The following SH3TC2 variants were observed in gnomAD, a reference collection of about 807,000 sequenced individuals.
SH3TC2 encodes SH3 domain and tetratricopeptide repeats 2.
Under a neutral mutation model 124.5 loss-of-function variants are expected in SH3TC2, and 87 were observed. The observed-to-expected ratio is 0.70, with a 90% CI of 0.59 to 0.84. The LOEUF is 0.84. SH3TC2 is among the 40% of genes least tolerant of loss of function. The pLI is 0.00. For missense variants in SH3TC2, 1,536 were observed against 1,566.4 expected (o/e 0.98, Z 0.33); for synonymous variants, 634 against 628.5 (o/e 1.01, Z -0.13).
At chr5:149,038,632 A>G (rs139142584) in intron 7 of SH3TC2, 142 bp from the exon 8 acceptor site, 2 of 876,692 alleles carry the variant, frequency 2.3e-6, no homozygotes, top group African/African-American at 3.3e-5. Flanking sequence ...TCCCCACCCA[A>G]AAATTGGCAG....
At position 148,993,077 on chromosome 5, in the gene SH3TC2, T is replaced by C. The variant is rs1292229402; in HGVS notation, c.*11634A>G. 2.0e-5 allele frequency among the ~76,000 whole-genome samples: 3 copies of C among 152,198 alleles called. No homozygotes were observed. Among genetic ancestry groups the C allele is most frequent in the Admixed American group, 2.0e-4 (3 of 15,276 alleles). ...GGCTGCCTTTACCTGGCCTCACTCCTGGCTTCCATAGACGCTTAAGGTGAT... is the reference window on the plus strand; with the variant it reads ...GGCTGCCTTTACCTGGCCTCACTCCCGGCTTCCATAGACGCTTAAGGTGAT... On this transcript the variant is annotated 3_prime_UTR_variant, in exon 17 of 17. Coordinates refer to ENST00000515425, the MANE Select transcript of SH3TC2 (RefSeq NM_024577.4).
rs886060174 is a variant in SH3TC2 at position 149,000,479 on chromosome 5, C to T, written c.*4232G>A. On this transcript the variant is annotated 3_prime_UTR_variant, in exon 17 of 17. Transcript: ENST00000515425. The stretch of plus-strand genomic sequence containing the variant: ...ATTATTTTATTTTCATTGTATTTGC[C>T]ATTATTTACATAATTCTGTTTATGG... 2.6e-5 allele frequency among the ~76,000 whole-genome samples: 4 copies of T among 152,112 alleles called. No individual in the cohort carries two copies. Among genetic ancestry groups the T allele is most frequent in the Non-Finnish European group, 5.9e-5 (4 of 68,028 alleles).
intron 12 of SH3TC2, among the ~76,000 whole-genome samples, chr5:149,018,057 C>T (rs898269826): frequency 6.6e-6 from 1 of 152,164 alleles, no homozygotes; most frequent in Non-Finnish European, 1.5e-5. Flanking sequence ...GCTTGCTAAC[C>T]CTGCTCTAGA....
rs999752600 is a variant in SH3TC2 at position 148,999,304 on chromosome 5, A to G, written c.*5407T>C. On this transcript the variant is annotated 3_prime_UTR_variant, in exon 17 of 17. Transcript: ENST00000515425. ...TTTTAGCCATTTCCTTGTCTATGAC[A>G]TAAGTAAGTCTGATATAATTCTGAC... Among the ~76,000 whole-genome samples, 28 of 152,338 alleles carry G rather than the reference A, an allele frequency of 1.8e-4. No individual in the cohort carries two copies. Among genetic ancestry groups the G allele is most frequent in the African/African-American group, 6.3e-4 (26 of 41,584 alleles).
intron 13 of SH3TC2, among the ~76,000 whole-genome samples, chr5:149,011,746 AAGG>A (rs1753786112): frequency 6.6e-6 from 1 of 152,200 alleles, no homozygotes; most frequent in Non-Finnish European, 1.5e-5. Context: ...GTGCTAGTAT[AAGG>A]AGAAGTAAAA....
intron 1 of SH3TC2, among the ~76,000 whole-genome samples, chr5:149,053,571 C>G (rs1754592390): frequency 6.6e-6 from 1 of 152,222 alleles, no homozygotes; most frequent in South Asian, 2.1e-4. Context: ...TTTTTCAGTT[C>G]TGCCCCGAGG....
intron 12 of SH3TC2, among the ~76,000 whole-genome samples, chr5:149,012,942 T>G (rs1278797200): frequency 4.6e-5 from 7 of 152,168 alleles, no homozygotes; most frequent in Non-Finnish European, 7.4e-5. Flanking sequence ...TTTCCTTATC[T>G]GTAAAACAGA....
At chr5:149,018,216 G>T (rs1482483008) in intron 12 of SH3TC2, among the ~76,000 whole-genome samples, 2 of 152,104 alleles carry the variant, frequency 1.3e-5, no homozygotes, top group Non-Finnish European at 2.9e-5. Flanking sequence ...CTCACTGAAG[G>T]CTATTATGGC....
Position 148,986,072 on chromosome 5 carries a change from TTAAG to T in SH3TC2, c.*18635_*18638del, listed in dbSNP as rs1753327945. 6.6e-6 allele frequency among the ~76,000 whole-genome samples: 1 copy of T among 152,176 alleles called. No individual in the cohort carries two copies. Among genetic ancestry groups the T allele is most frequent in the South Asian group, 2.1e-4 (1 of 4,832 alleles). On this transcript the variant is annotated 3_prime_UTR_variant, in exon 17 of 17. Transcript: ENST00000515425. ...ATTAGAACTCATTAGTTCAACTTCT[TTAAG>T]TAAGGCTGTTTTGATCCAATTATAA...
intron 1 of SH3TC2, among the ~76,000 whole-genome samples, chr5:149,054,018 A>G (rs1754601733): frequency 6.6e-6 from 1 of 152,248 alleles, no homozygotes; most frequent in East Asian, 1.9e-4. Context: ...AATTTATTGT[A>G]CATTTAAAAA....
intron 2 of SH3TC2, among the ~76,000 whole-genome samples, chr5:149,051,859 C>T (rs910324232): frequency 6.6e-5 from 10 of 152,308 alleles, no homozygotes; most frequent in African/African-American, 1.9e-4. Context: ...TCTCTCAACA[C>T]CTTCAAATCT....
chr5:148,997,248 A>G lies in SH3TC2; in HGVS notation c.*7463T>C, dbSNP rs750800185. Among the ~76,000 whole-genome samples, 4 of 152,202 alleles carry G rather than the reference A, an allele frequency of 2.6e-5. No homozygotes were observed. The highest frequency in any genetic ancestry group is 5.9e-5 in the Non-Finnish European group (4 of 68,032). On this transcript the variant is annotated 3_prime_UTR_variant, in exon 17 of 17. Coordinates refer to ENST00000515425, the MANE Select transcript of SH3TC2 (RefSeq NM_024577.4). ...GGCTGCTTCCCTTCCTCAGATGTCC[A>G]TAGTCTTCTACGATTGGCTCTGGAG...
rs1464026960 is a variant in SH3TC2 at position 149,000,620 on chromosome 5, T to C, written c.*4091A>G. ...TGTTTTGTAAAGGCTCTTTGGTGCA[T>C]ATCGTGATAAATGCATGCATACATA... On this transcript the variant is annotated 3_prime_UTR_variant, in exon 17 of 17. Transcript: ENST00000515425. 2.0e-5 allele frequency among the ~76,000 whole-genome samples: 3 copies of C among 152,210 alleles called. No individual in the cohort carries two copies. Among genetic ancestry groups the C allele is most frequent in the African/African-American group, 7.2e-5 (3 of 41,440 alleles).
At position 149,027,543 on chromosome 5, in the gene SH3TC2, C is replaced by G; in HGVS notation, c.2189G>C (p.Gly730Ala). The change falls in exon 11 of 17, where the codon GGT (glycine) becomes GCT (alanine). Residue 730 changes from glycine (G) to alanine (A), a missense_variant. Gly to Ala is a moderately conservative substitution (Grantham distance 60). Transcript: ENST00000515425. ...TGGGCAGGCCAAGGCAGAAACTTCA[C>G]CCCAGCCTGGGGAAGGAAAGCCAAG... ...KLLGFPSPGWGEVSALACPML... is the reference protein window; with the variant it reads ...KLLGFPSPGWAEVSALACPML... 1 of 1,614,238 alleles carries G rather than the reference C, an allele frequency of 6.2e-7. No homozygotes were observed. Among genetic ancestry groups the G allele is most frequent in the Non-Finnish European group, 8.5e-7 (1 of 1,180,042 alleles).
At chr5:149,055,988 C>T (rs1465484558) in intron 1 of SH3TC2, among the ~76,000 whole-genome samples, 3 of 152,092 alleles carry the variant, frequency 2.0e-5, no homozygotes, top group Non-Finnish European at 4.4e-5. Context: ...AAAACAATAT[C>T]GATGAGTATA....
chr5:149,008,872 C>A lies in SH3TC2; in HGVS notation c.3457G>T (p.Ala1153Ser), dbSNP rs778351829. 1.1e-5 allele frequency: 17 copies of A among 1,614,042 alleles called. No individual in the cohort carries two copies. The Middle Eastern group carries it at 5.0e-4, about 47-fold the overall frequency. ...EKALEFATLA[A>S]RLSTVTGDQR... ...CCACCTGTGACTGTGCTGAGCCTGG[C>A]GGCCAGGGTGGCAAATTCCAAAGCC... The change falls in exon 15 of 17, where the codon GCC becomes TCC. Residue 1153 changes from alanine to serine, a missense_variant. Physicochemically the swap from Ala to Ser is moderately conservative, Grantham distance 99. Transcript: ENST00000515425.
rs1439945013 is a variant in SH3TC2 at position 149,000,453 on chromosome 5, C to T, written c.*4258G>A. Among the ~76,000 whole-genome samples the T allele has an allele frequency of 6.6e-6, 1 of 152,150 alleles. No individual in the cohort carries two copies. Among genetic ancestry groups the T allele is most frequent in the East Asian group, 1.9e-4 (1 of 5,202 alleles). Reference sequence around the variant, plus strand: ...AACAGGACCTAGCTTGAAGTTAATGCATTATTTTATTTTCATTGTATTTGC... The same window carrying T: ...AACAGGACCTAGCTTGAAGTTAATGTATTATTTTATTTTCATTGTATTTGC... On this transcript the variant is annotated 3_prime_UTR_variant, in exon 17 of 17. Transcript: ENST00000515425.
rs765552082 is a variant in SH3TC2 at position 148,985,762 on chromosome 5, A to C, written c.*18949T>G. ...TGGATCACTTTGTAAGTGTATGTTTAATTTATAAGAAACTATCAAAGCATT... is the reference window on the plus strand; with the variant it reads ...TGGATCACTTTGTAAGTGTATGTTTCATTTATAAGAAACTATCAAAGCATT... On this transcript the variant is annotated 3_prime_UTR_variant, in exon 17 of 17. Transcript: ENST00000515425. Among the ~76,000 whole-genome samples, 4 of 152,196 alleles carry C rather than the reference A, an allele frequency of 2.6e-5. No homozygotes were observed. The highest frequency in any genetic ancestry group is 5.9e-5 in the Non-Finnish European group (4 of 68,030).
Position 149,047,973 on chromosome 5 carries a change from G to A in SH3TC2, c.168C>T (p.Phe56=). Residue 56 remains phenylalanine, a synonymous_variant, in exon 3 of 17, where the codon TTC becomes TTT. Coordinates refer to ENST00000515425, the MANE Select transcript of SH3TC2 (RefSeq NM_024577.4). ...ACCTCCTGGAGCGGCTCTTTACACA[G>A]AAGGAGAGTGTCAGGTCTTAAAGAG... ...QNINPDLTLS[F]CVKSRSRRCV... 1 of 1,614,124 alleles carries A rather than the reference G, an allele frequency of 6.2e-7. No individual in the cohort carries two copies.
Sources: gnomAD v4.1 joint callset for allele counts (sites outside exome capture counted in the v4.1 genomes callset) on GRCh38, gnomAD v4.1.1 for gene constraint, MANE v1.5 for transcripts, NCBI Gene and HGNC (gene_info 2026-07-23, HGNC 2026-07-21) for gene names.